Variants in FRMD4B observed in about 807,000 individuals in gnomAD.
FRMD4B encodes the protein FERM domain-containing protein 4B.
Under a neutral mutation model 141.5 loss-of-function variants are expected in FRMD4B, and 74 were observed. The ratio of observed to expected loss-of-function variants is 0.52; its 90% CI spans 0.43 to 0.63. The LOEUF is 0.63. Ranked by LOEUF, FRMD4B falls within the 30% of genes least tolerant of loss-of-function variation. The pLI, the probability that FRMD4B is intolerant of heterozygous loss-of-function variation, is 0.00. For synonymous variants in FRMD4B, 506 were observed against 467.9 expected, an observed-to-expected ratio of 1.08 and a Z score of -1.05; for missense variants, 1,366 against 1,253.4, an observed-to-expected ratio of 1.09 and a Z score of -1.36.
At chr3:69,507,569 A>C (rs1023573210) in intron 1 of FRMD4B, among the ~76,000 whole-genome samples, 2 of 152,206 alleles carry the variant, frequency 1.3e-5, no homozygotes, top group African/African-American at 4.8e-5. Context: ...CCAGTACCAT[A>C]TTGATGGATA....
intron 5 of FRMD4B, among the ~76,000 whole-genome samples, chr3:69,262,142 T>C (rs1175361727): frequency 6.6e-6 from 1 of 151,972 alleles, no homozygotes; most frequent in African/African-American, 2.4e-5. Context: ...AATTTTTGTA[T>C]TTTTAGTAGA....
chr3:69,265,669 G>C (rs1010117118), intron 5 of FRMD4B, among the ~76,000 whole-genome samples: 6 of 151,656 alleles, frequency 4.0e-5, no homozygotes, highest in Non-Finnish European at 1.5e-5. Flanking sequence ...GGATGGTCTC[G>C]ATCTCCTGAC....
intron 1 of FRMD4B, among the ~76,000 whole-genome samples, chr3:69,366,080 C>A (rs1253446528): frequency 6.6e-6 from 1 of 150,800 alleles, no homozygotes. Context: ...CACACACACA[C>A]ACACACACAC....
chr3:69,469,633 A>G (rs1307823122), intron 1 of FRMD4B, among the ~76,000 whole-genome samples: 2 of 152,244 alleles, frequency 1.3e-5, no homozygotes, highest in Non-Finnish European at 2.9e-5. Context: ...ACTGGTCACC[A>G]GAATCCCATA....
chr3:69,187,251 T>G (rs2107617261), intron 19 of FRMD4B, among the ~76,000 whole-genome samples: 1 of 152,116 alleles, frequency 6.6e-6, no homozygotes, highest in East Asian at 1.9e-4. Flanking sequence ...AAAGACTTCT[T>G]AAAAACATTT....
intron 2 of FRMD4B, among the ~76,000 whole-genome samples, chr3:69,408,953 C>T (rs1704706007): frequency 6.6e-6 from 1 of 152,254 alleles, no homozygotes; most frequent in African/African-American, 2.4e-5. Context: ...ACTTACCCAC[C>T]TTATAATCTT....
intron 18 of FRMD4B, among the ~76,000 whole-genome samples, chr3:69,189,222 C>CAAA (rs71115659): frequency 5.7e-3 from 222 of 39,200 alleles, no homozygotes; most frequent in African/African-American, 7.0e-3. Context: ...AACTCCATCT[C>CAAA]AAAAAAAAAA....
intron 8 of FRMD4B, among the ~76,000 whole-genome samples, chr3:69,223,973 A>G (rs1004455775): frequency 2.0e-5 from 3 of 152,232 alleles, no homozygotes; most frequent in African/African-American, 7.2e-5. Context: ...AAATGTCTCA[A>G]TATTGAATAT....
rs2092567121 is a variant in FRMD4B, at chr3:69,169,854, A to G, written c.*2007T>C. 1 of 152,296 alleles carries G rather than the reference A, an allele frequency of 6.6e-6. No individual in the cohort carries two copies. The highest frequency in any genetic ancestry group is 1.9e-4 in the East Asian group (1 of 5,182). 9.4% of individuals were successfully genotyped at this position (152,296 alleles called of 1,614,324 possible). ...TAGGATTAAAGGATGTCAGAGAACT[A>G]ATTTCTTGAATTTAGAAGACCTGTT... On this transcript the variant is annotated 3_prime_UTR_variant, in exon 23 of 23. Coordinates refer to ENST00000398540, the MANE Select transcript of FRMD4B (RefSeq NM_015123.3).
chr3:69,312,688 C>T (rs1701639838), intron 2 of FRMD4B, among the ~76,000 whole-genome samples: 1 of 152,194 alleles, frequency 6.6e-6, no homozygotes, highest in Admixed American at 6.5e-5. Context: ...CACTTGAGGT[C>T]AGGAGTTCGA....
chr3:69,267,628 TATATATATAGAGAGAG>T (rs2093572215), intron 5 of FRMD4B, among the ~76,000 whole-genome samples: 7 of 11,938 alleles, frequency 5.9e-4, no homozygotes, highest in African/African-American at 2.1e-3. Flanking sequence ...TATATATATA[TATATATATAGAGAGAG>T]AGAGAGAGAG....
intron 3 of FRMD4B, among the ~76,000 whole-genome samples, chr3:69,307,024 C>T (rs1195909922): frequency 1.3e-5 from 2 of 152,078 alleles, no homozygotes; most frequent in Non-Finnish European, 2.9e-5. Flanking sequence ...GTAGAAATGG[C>T]CAATTTCCAC....
At chr3:69,370,252 A>G (rs950101140) in intron 1 of FRMD4B, among the ~76,000 whole-genome samples, 1 of 152,188 alleles carries the variant, frequency 6.6e-6, no homozygotes, top group Non-Finnish European at 1.5e-5. Flanking sequence ...GCCAAAAAAA[A>G]GAGAGCAAAC....
chr3:69,415,153 T>C (rs1172808603), intron 2 of FRMD4B, among the ~76,000 whole-genome samples: 3 of 152,160 alleles, frequency 2.0e-5, no homozygotes, highest in Non-Finnish European at 4.4e-5. Context: ...CATGAGCGAC[T>C]GTGCCCGGCC....
At chr3:69,419,076 G>A (rs188997205) in intron 2 of FRMD4B, among the ~76,000 whole-genome samples, 2 of 152,276 alleles carry the variant, frequency 1.3e-5, no homozygotes, top group Admixed American at 1.3e-4. Context: ...GGTTGCATAT[G>A]TGAAATGGTT....
At chr3:69,490,808 T>C (rs1223372908) in intron 1 of FRMD4B, among the ~76,000 whole-genome samples, 1 of 152,204 alleles carries the variant, frequency 6.6e-6, no homozygotes, top group Non-Finnish European at 1.5e-5. Flanking sequence ...ATAAGAGACG[T>C]TGGCCGATGC....
chr3:69,345,794 A>T (rs1262349678), intron 1 of FRMD4B, among the ~76,000 whole-genome samples: 1 of 152,216 alleles, frequency 6.6e-6, no homozygotes, highest in African/African-American at 2.4e-5. Context: ...AGGAAAACTA[A>T]CAAACAGAAA....
intron 8 of FRMD4B, 142 bp downstream of exon 8, chr3:69,224,465 A>G (rs750111423): frequency 1.3e-5 from 9 of 669,270 alleles, no homozygotes; most frequent in Non-Finnish European, 2.2e-5. Flanking sequence ...TGAAAGGATC[A>G]AGGTCTACCT....
chr3:69,178,752 G>T (rs1427617544), intron 21 of FRMD4B, among the ~76,000 whole-genome samples: 1 of 150,704 alleles, frequency 6.6e-6, no homozygotes, highest in African/African-American at 2.4e-5. Flanking sequence ...AGTAGCTTTG[G>T]AACTTGGGTT....
Sources: gnomAD v4.1 joint callset for allele counts (sites outside exome capture counted in the v4.1 genomes callset) on GRCh38, gnomAD v4.1.1 for gene constraint, MANE v1.5 for transcripts, NCBI Gene and HGNC (gene_info 2026-07-23, HGNC 2026-07-21) for gene names.